Variants in ZNF423 observed in about 807,000 individuals in gnomAD.
The protein encoded by ZNF423 is zinc finger protein 423.
A neutral mutation model predicts 95.8 loss-of-function variants in ZNF423; 12 were observed. The ratio of observed to expected loss-of-function variants is 0.13; its 90% CI spans 0.08 to 0.20. The LOEUF (loss-of-function observed/expected upper bound fraction) is 0.20. Ranked by LOEUF, ZNF423 falls within the 10% of genes least tolerant of loss-of-function variation. ZNF423 has a pLI of 1.00. For synonymous variants in ZNF423, 749 were observed against 711.9 expected, an observed-to-expected ratio of 1.05 and a Z score of -0.83; for missense variants, 1,316 against 1,737.1, an observed-to-expected ratio of 0.76 and a Z score of 4.31.
intron 2 of ZNF423, among the ~76,000 whole-genome samples, chr16:49,769,413 AAG>A (rs1304988800): frequency 2.0e-5 from 3 of 151,958 alleles, no homozygotes; most frequent in Non-Finnish European, 4.4e-5. Flanking sequence ...GAAAAGAAAA[AAG>A]AAACTCAGAA....
chr16:49,695,327 T>C (rs996960830), intron 3 of ZNF423, among the ~76,000 whole-genome samples: 3 of 152,168 alleles, frequency 2.0e-5, no homozygotes, highest in Admixed American at 1.3e-4. Flanking sequence ...AGTTTTGCTC[T>C]TGTTGCCCAG....
At chr16:49,805,695 C>T (rs575355659) in intron 1 of ZNF423, among the ~76,000 whole-genome samples, 2 of 152,314 alleles carry the variant, frequency 1.3e-5, no homozygotes, top group Admixed American at 1.3e-4. Flanking sequence ...TGCCAGCCCA[C>T]GTTGATCATA....
At chr16:49,580,862 G>C (rs373873172) in intron 5 of ZNF423, among the ~76,000 whole-genome samples, 2 of 152,156 alleles carry the variant, frequency 1.3e-5, no homozygotes, top group African/African-American at 4.8e-5. Context: ...TGGATCGTGA[G>C]AGCATAGAAA....
intron 2 of ZNF423, among the ~76,000 whole-genome samples, chr16:49,739,550 G>A (rs1304952979): frequency 6.6e-6 from 1 of 152,126 alleles, no homozygotes; most frequent in Non-Finnish European, 1.5e-5. Flanking sequence ...CTCCGTGAAG[G>A]GGTGTGATCA....
intron 2 of ZNF423, among the ~76,000 whole-genome samples, chr16:49,786,919 T>G (rs1009987549): frequency 2.0e-5 from 3 of 152,202 alleles, no homozygotes; most frequent in African/African-American, 7.2e-5. Context: ...ATGAAAAGTA[T>G]TAGACAAAAG....
chr16:49,842,466 G>T (rs1378757584), intron 1 of ZNF423, among the ~76,000 whole-genome samples: 5 of 151,086 alleles, frequency 3.3e-5, no homozygotes, highest in East Asian at 2.0e-4. Flanking sequence ...AACATAAAAG[G>T]CCAGGTGTGG....
At chr16:49,629,863 C>G (rs1268800689) in intron 4 of ZNF423, among the ~76,000 whole-genome samples, 1 of 152,206 alleles carries the variant, frequency 6.6e-6, no homozygotes, top group African/African-American at 2.4e-5. Context: ...CAGGCCTTAC[C>G]TAGAGTCAGT....
chr16:49,637,859 G>A lies in ZNF423; in HGVS notation c.1317C>T (p.Thr439=). 1 of 1,614,210 alleles carries A rather than the reference G, an allele frequency of 6.2e-7. No homozygotes were observed. The highest frequency in any genetic ancestry group is 8.5e-7 in the Non-Finnish European group (1 of 1,180,038). ...TCTGCTGGGGCTTGTCCGCGTGGATGGTCTTCAGGTGGATCTCCAGCACGG... is the reference window on the plus strand; with the variant it reads ...TCTGCTGGGGCTTGTCCGCGTGGATAGTCTTCAGGTGGATCTCCAGCACGG... The part of the protein sequence containing the change: ...SLAVLEIHLK[T]IHADKPQQSH... Residue 439 remains threonine (T), a synonymous_variant, in exon 4 of 8, where the codon ACC becomes ACT. Transcript: ENST00000563137. This position sits in a 1 kb window ranked among gnomAD's most constrained non-coding sequence, Gnocchi z 5.6.
In ZNF423 at chr16:49,792,719, C is replaced by T. The variant is rs189658949; in HGVS notation, c.41-3173G>A. Among the ~76,000 whole-genome samples, 19 of 152,234 alleles carry T rather than the reference C, an allele frequency of 1.2e-4. No individual in the cohort carries two copies. In the East Asian group the frequency reaches 3.5e-3, roughly 28 times the overall value. On this transcript the variant is annotated intron_variant, in intron 1 of 7. Coordinates refer to ENST00000563137, the MANE Select transcript of ZNF423 (RefSeq NM_001379286.1). ...GCACACCTTCAAAGGTGAATATGGG[C>T]TAGAGGATTCAAAAAACAGAAAAAC...
rs761674679 is a variant in ZNF423, at chr16:49,638,062, C to T, written c.1114G>A (p.Val372Met). The part of the protein sequence containing the change: ...SVSPDPVLGS[V>M]ASMSSATPDS... ...GGTGTGGCGCTGCTCATGGAGGCCA[C>T]GCTGCCCAGTACAGGGTCGGGACTG... The change falls in exon 4 of 8, where the codon GTG (valine) becomes ATG (methionine). Residue 372 changes from valine to methionine, a missense_variant. Around this residue, in one of 6 missense-constraint regions of ZNF423, gnomAD observed 399 missense variants for 478.5 expected, o/e 0.83. Coordinates refer to ENST00000563137, the MANE Select transcript of ZNF423 (RefSeq NM_001379286.1). The surrounding 1 kb of genome is among the most constrained non-coding windows in gnomAD (Gnocchi z 5.6). 9.3e-6 allele frequency: 15 copies of T among 1,613,746 alleles called. No individual in the cohort carries two copies. The highest frequency in any genetic ancestry group is 3.3e-5 in the Admixed American group (2 of 59,972).
chr16:49,619,986 G>A (rs986902127), intron 5 of ZNF423, among the ~76,000 whole-genome samples: 1 of 152,084 alleles, frequency 6.6e-6, no homozygotes, highest in East Asian at 1.9e-4. Context: ...CCTTCAGCAC[G>A]GGGCCAGGGT....
At chr16:49,503,809 T>C (rs866218102) in intron 7 of ZNF423, among the ~76,000 whole-genome samples, 36 of 152,256 alleles carry the variant, frequency 2.4e-4, no homozygotes, top group African/African-American at 8.7e-4. Flanking sequence ...TCAACGAGTA[T>C]TTCTGAAATG....
intron 1 of ZNF423, among the ~76,000 whole-genome samples, chr16:49,828,670 C>A (rs1253405723): frequency 2.0e-5 from 3 of 152,222 alleles, no homozygotes; most frequent in Non-Finnish European, 4.4e-5. Flanking sequence ...CACACTGCAG[C>A]CAACAAATTC....
At chr16:49,789,864 A>G (rs1484350415) in intron 1 of ZNF423, among the ~76,000 whole-genome samples, 3 of 152,200 alleles carry the variant, frequency 2.0e-5, no homozygotes, top group Non-Finnish European at 4.4e-5. Flanking sequence ...AGAGATCAGC[A>G]AAGTGGTGAG....
At chr16:49,673,029 G>A (rs1299795373) in intron 3 of ZNF423, among the ~76,000 whole-genome samples, 1 of 152,082 alleles carries the variant, frequency 6.6e-6, no homozygotes, top group Non-Finnish European at 1.5e-5. Flanking sequence ...TGGAGCCCAG[G>A]AGCCCAAGGC....
At chr16:49,824,003 C>T (rs1027034120) in intron 1 of ZNF423, among the ~76,000 whole-genome samples, 4 of 152,018 alleles carry the variant, frequency 2.6e-5, no homozygotes, top group African/African-American at 9.7e-5. Context: ...TCGCTTGAGC[C>T]CAGAAAGTGG....
intron 5 of ZNF423, among the ~76,000 whole-genome samples, chr16:49,529,309 T>C (rs1347252329): frequency 6.6e-6 from 1 of 151,962 alleles, no homozygotes; most frequent in Non-Finnish European, 1.5e-5. Context: ...TGATTTATTA[T>C]GATTAAAAAA....
At chr16:49,617,985 ATCTAT>A (rs1205292318) in intron 5 of ZNF423, among the ~76,000 whole-genome samples, 4 of 152,172 alleles carry the variant, frequency 2.6e-5, no homozygotes, top group Non-Finnish European at 4.4e-5. Flanking sequence ...TGTTCTCACC[ATCTAT>A]GCTGATGCCG....
At chr16:49,574,264 G>C (rs914722356) in intron 5 of ZNF423, among the ~76,000 whole-genome samples, 2 of 152,150 alleles carry the variant, frequency 1.3e-5, no homozygotes, top group African/African-American at 4.8e-5. Context: ...ACATGCCTGT[G>C]GTCCCAGCTA....
Sources: allele counts gnomAD v4.1 joint callset (sites outside exome capture counted in the v4.1 genomes callset), GRCh38; gene constraint gnomAD v4.1.1; regional missense constraint gnomAD v4.1.1; non-coding constraint Gnocchi (gnomAD v3.1); transcripts MANE v1.5; gene names NCBI Gene and HGNC (gene_info 2026-07-23, HGNC 2026-07-21).